PRKCH: variants seen among roughly 807,000 people sequenced by gnomAD.
The protein encoded by PRKCH is protein kinase C eta type.
In PRKCH, 28 loss-of-function variants were observed where a neutral mutation model predicts 82.5. The ratio of observed to expected loss-of-function variants is 0.34; its 90% confidence interval spans 0.25 to 0.47. The LOEUF is 0.47. Among genes scored for constraint, PRKCH ranks in the 20% least tolerant of loss-of-function variants. The probability of loss-of-function intolerance (pLI) is 1.00; values close to 1 mark genes in which losing one functional copy is unlikely to be tolerated. For synonymous variants in PRKCH, 322 were observed against 327.4 expected (o/e 0.98, Z 0.18); for missense variants, 705 against 881.8 (o/e 0.80, Z 2.54).
Position 61,322,447 on chromosome 14 carries a change from G to T in PRKCH, c.346G>T (p.Asp116Tyr). ...GCTGCTGCGCACGACCGGCGCCTCG[G>T]ACACCTTCGAGGGTTGGGTGAGTAG... ...QELLRTTGAS[D>Y]TFEGWVDLEP... is the part of the protein sequence containing the mutation. Residue 116 changes from aspartate (D) to tyrosine (Y), a missense_variant, in exon 1 of 14, where the codon GAC becomes TAC. Asp to Tyr is a radical substitution (Grantham distance 160, BLOSUM62 -3). Transcript: ENST00000332981. The T allele has an allele frequency of 6.3e-7, 1 of 1,596,832 alleles. No homozygotes were observed. The highest frequency in any genetic ancestry group is 1.1e-5 in the South Asian group (1 of 90,804).
intron 12 of PRKCH, among the ~76,000 whole-genome samples, chr14:61,538,134 G>A (rs78297679): frequency 2.0e-5 from 3 of 152,358 alleles, no homozygotes; most frequent in South Asian, 2.1e-4. Context: ...CCCGAGTAAC[G>A]CAGAGGATCC....
At chr14:61,530,876 T>A (rs2043036923) in intron 12 of PRKCH, among the ~76,000 whole-genome samples, 1 of 152,224 alleles carries the variant, frequency 6.6e-6, no homozygotes, top group Non-Finnish European at 1.5e-5. Flanking sequence ...TTCGTAACTT[T>A]AGTTGAGGGC....
At position 61,473,330 on chromosome 14, in the gene PRKCH, A is replaced by G. The variant is rs111869005; in HGVS notation, c.1279-12172A>G. ...ACTGTTTAGGTAAAAGGAGCCAGCA[A>G]AATCTTTAAGTGAGGGAGTAACATA... On this transcript the variant is annotated intron_variant, in intron 9 of 13. Transcript: ENST00000332981. Among the ~76,000 whole-genome samples the G allele has an allele frequency of 3.1e-3, 467 of 152,310 alleles. 4 individuals are homozygous for G. Among genetic ancestry groups the G allele is most frequent in the African/African-American group, 0.011 (445 of 41,566 alleles).
intron 1 of PRKCH, among the ~76,000 whole-genome samples, chr14:61,339,203 C>A (rs1055718841): frequency 6.6e-6 from 1 of 152,104 alleles, no homozygotes; most frequent in Middle Eastern, 3.4e-3. Context: ...AGCTGGCCTC[C>A]TGTTCAGGCT....
chr14:61,474,874 C>T (rs1162399595), intron 9 of PRKCH, among the ~76,000 whole-genome samples: 4 of 152,100 alleles, frequency 2.6e-5, no homozygotes, highest in East Asian at 1.9e-4. Flanking sequence ...AACTTCGGCC[C>T]GTGCATCAGC....
intron 6 of PRKCH, 55 bp downstream of exon 6, chr14:61,451,026 G>C: frequency 6.3e-7 from 1 of 1,577,690 alleles, no homozygotes. Context: ...TATGCCCTAA[G>C]CTTTCAGAAT....
intron 1 of PRKCH, among the ~76,000 whole-genome samples, chr14:61,248,788 GTATGTATGTA>G (rs201821390): frequency 0.08 from 5,893 of 73,942 alleles, 147 homozygotes; most frequent in East Asian, 0.14. Flanking sequence ...ATGTATGTAT[GTATGTATGTA>G]TGTGTGTGTG....
At chr14:61,289,605 G>A (rs2045343479) in intron 1 of PRKCH, among the ~76,000 whole-genome samples, 1 of 152,234 alleles carries the variant, frequency 6.6e-6, no homozygotes, top group Non-Finnish European at 1.5e-5. Flanking sequence ...TACTCAGGAG[G>A]CTGAGGTGGG....
chr14:61,201,505 A>G (rs2140038917), intron 1 of PRKCH, among the ~76,000 whole-genome samples: 1 of 152,342 alleles, frequency 6.6e-6, no homozygotes, highest in African/African-American at 2.4e-5. Flanking sequence ...CTATAAATAA[A>G]GCATGTGACT....
At position 61,280,691 on chromosome 14, in the gene PRKCH, T is replaced by A. The variant is rs777580569; in HGVS notation, c.-19+93023T>A. On this transcript the variant is annotated intron_variant, in intron 1 of 3. Transcript: ENST00000555185. This position sits in a 1 kb window ranked among gnomAD's most constrained non-coding sequence, Gnocchi z 5.0. ...GGCGCGATGGGCAGGCCGGCCGCGC[T>A]GCGCTGGTAGGGGGCGCACTCGTTG... The A allele has an allele frequency of 7.0e-6, 11 of 1,577,902 alleles. No homozygotes were observed. Among genetic ancestry groups the A allele is most frequent in the South Asian group, 1.1e-5 (1 of 87,298 alleles).
intron 9 of PRKCH, among the ~76,000 whole-genome samples, chr14:61,481,665 G>A (rs4902062): frequency 0.89 from 135,283 of 152,232 alleles, 61,204 homozygotes; most frequent in Non-Finnish European, 0.96. Context: ...GATACTGAAA[G>A]GTAGAAAAAA....
chr14:61,285,080 T>C (rs916610565), intron 1 of PRKCH, among the ~76,000 whole-genome samples: 1 of 152,212 alleles, frequency 6.6e-6, no homozygotes, highest in South Asian at 2.1e-4. Flanking sequence ...TTTCTGCATA[T>C]AACCCTTTTT....
At chr14:61,352,098 G>A (rs1214842694) in intron 1 of PRKCH, among the ~76,000 whole-genome samples, 1 of 152,104 alleles carries the variant, frequency 6.6e-6, no homozygotes, top group African/African-American at 2.4e-5. Flanking sequence ...TCCCAGGTCA[G>A]CTGCTAACTG....
chr14:61,262,672 A>G (rs141743984), intron 1 of PRKCH, among the ~76,000 whole-genome samples: 4 of 152,162 alleles, frequency 2.6e-5, no homozygotes, highest in South Asian at 4.1e-4. Context: ...AGATCTGTAC[A>G]TGGCATTGTA....
intron 1 of PRKCH, among the ~76,000 whole-genome samples, chr14:61,363,924 A>T (rs952022059): frequency 6.7e-6 from 1 of 149,652 alleles, no homozygotes; most frequent in African/African-American, 2.5e-5. Flanking sequence ...TTTTACATAT[A>T]TATGTAAAAA....
At chr14:61,309,856 G>A (rs546245097) in intron 1 of PRKCH, among the ~76,000 whole-genome samples, 57 of 152,198 alleles carry the variant, frequency 3.7e-4, no homozygotes, top group Middle Eastern at 3.4e-3. Flanking sequence ...TAATTGACTC[G>A]CAGTTCCATA....
intron 1 of PRKCH, among the ~76,000 whole-genome samples, chr14:61,270,507 T>C (rs2045141979): frequency 6.6e-6 from 1 of 152,172 alleles, no homozygotes; most frequent in Non-Finnish European, 1.5e-5. Context: ...TAAAATGGAG[T>C]GCACTGGGCA....
intron 2 of PRKCH, among the ~76,000 whole-genome samples, chr14:61,433,741 T>G (rs534840382): frequency 6.6e-6 from 1 of 152,328 alleles, no homozygotes; most frequent in South Asian, 2.1e-4. Flanking sequence ...CAGCAACTTT[T>G]AAAAAGATAT....
intron 1 of PRKCH, among the ~76,000 whole-genome samples, chr14:61,310,007 T>G (rs1278905974): frequency 6.6e-6 from 1 of 151,918 alleles, no homozygotes; most frequent in Non-Finnish European, 1.5e-5. Flanking sequence ...TCACTCACTA[T>G]CACAAGAATA....
Sources: gnomAD v4.1 joint callset for allele counts (sites outside exome capture counted in the v4.1 genomes callset) on GRCh38, gnomAD v4.1.1 for gene constraint, Gnocchi (gnomAD v3.1) non-coding constraint, MANE v1.5 for transcripts, NCBI Gene and HGNC (gene_info 2026-07-23, HGNC 2026-07-21) for gene names.